HPSE2: variants seen among roughly 807,000 people sequenced by gnomAD.
The protein encoded by HPSE2 is heparanase 2 (inactive), also known as inactive heparanase-2.
A neutral mutation model predicts 60.5 loss-of-function variants in HPSE2; 38 were observed. The observed-to-expected ratio is 0.63, with a 90% CI of 0.48 to 0.82. The LOEUF (loss-of-function observed/expected upper bound fraction) is 0.82, where lower values mean the gene tolerates loss of function less well. Among genes scored for constraint, HPSE2 ranks in the 40% least tolerant of loss-of-function variants. HPSE2 has a pLI of 0.00. For missense variants in HPSE2, 713 were observed against 740.4 expected (o/e 0.96, Z 0.43); for synonymous variants, 295 against 293.2 (o/e 1.01, Z -0.06).
chr10:99,085,815 A>T (rs1156318226), intron 3 of HPSE2, among the ~76,000 whole-genome samples: 3 of 152,160 alleles, frequency 2.0e-5, no homozygotes, highest in African/African-American at 7.2e-5. Flanking sequence ...GGCCTCAACT[A>T]TTTTATCTCC....
At chr10:98,489,943 A>C in intron 10 of HPSE2, 108 bp downstream of exon 10, 1 of 1,358,580 alleles carries the variant, frequency 7.4e-7, no homozygotes, top group South Asian at 1.2e-5. Flanking sequence ...CCAGAGGCAA[A>C]AAGTTTTTGA....
intron 7 of HPSE2, among the ~76,000 whole-genome samples, chr10:98,626,216 G>T (rs837574): frequency 0.23 from 35,507 of 151,850 alleles, 4,310 homozygotes; most frequent in Admixed American, 0.31. Flanking sequence ...GGAGGTGGGG[G>T]GTTAAATCAA....
the HPSE2 span, among the ~76,000 whole-genome samples, chr10:99,280,324 G>A: frequency 1.3e-5 from 2 of 152,066 alleles, no homozygotes; most frequent in African/African-American, 2.4e-5. Flanking sequence ...GAAGAGAGAG[G>A]TCTGGCCAGA....
intron 3 of HPSE2, among the ~76,000 whole-genome samples, chr10:98,939,826 G>T (rs531034647): frequency 3.5e-5 from 5 of 143,512 alleles, no homozygotes; most frequent in African/African-American, 1.4e-4. Context: ...GACCACATAG[G>T]TGGAAGTAAA....
At chr10:98,839,095 C>T (rs375242703) in intron 3 of HPSE2, among the ~76,000 whole-genome samples, 8 of 152,126 alleles carry the variant, frequency 5.3e-5, no homozygotes, top group Middle Eastern at 3.4e-3. Flanking sequence ...AGGTAATGAG[C>T]CATATAAAGA....
intron 3 of HPSE2, among the ~76,000 whole-genome samples, chr10:98,807,630 TG>T (rs1360152787): frequency 6.6e-6 from 1 of 152,228 alleles, no homozygotes; most frequent in Non-Finnish European, 1.5e-5. Context: ...ATTTCACTGA[TG>T]TGATGGCTCT....
chr10:98,895,990 A>G (rs1953480362), intron 3 of HPSE2, among the ~76,000 whole-genome samples: 1 of 150,932 alleles, frequency 6.6e-6, no homozygotes, highest in Non-Finnish European at 1.5e-5. Context: ...ATGCTAAATG[A>G]CGAGTTAATG....
At chr10:99,308,373 C>G in the HPSE2 span, among the ~76,000 whole-genome samples, 1 of 8,862 alleles carries the variant, frequency 1.1e-4, no homozygotes, top group Non-Finnish European at 3.4e-4. Context: ...GAGCAAGACT[C>G]TGTCTCAAAA....
intron 3 of HPSE2, among the ~76,000 whole-genome samples, chr10:98,858,039 T>C (rs1238945047): frequency 6.6e-6 from 1 of 152,214 alleles, no homozygotes; most frequent in African/African-American, 2.4e-5. Flanking sequence ...TCAAGTATCA[T>C]ACATTATCTC....
upstream of HPSE2, among the ~76,000 whole-genome samples, chr10:99,239,186 TAAAAA>T (rs1212026461): frequency 6.6e-6 from 1 of 151,846 alleles, no homozygotes; most frequent in African/African-American, 2.4e-5. Context: ...AAATTAAAAT[TAAAAA>T]ATAAAATATG....
chr10:98,471,734 T>C (rs1254539056), intron 11 of HPSE2, among the ~76,000 whole-genome samples: 1 of 152,178 alleles, frequency 6.6e-6, no homozygotes, highest in African/African-American at 2.4e-5. Context: ...CTTTACAGGA[T>C]GACTTAGGAA....
chr10:99,052,972 G>T (rs1212019862), intron 3 of HPSE2, among the ~76,000 whole-genome samples: 1 of 150,692 alleles, frequency 6.6e-6, no homozygotes, highest in African/African-American at 2.4e-5. Flanking sequence ...GAAATAAAGG[G>T]GACTGGAAAT....
chr10:98,901,956 A>G (rs543414488), intron 3 of HPSE2, among the ~76,000 whole-genome samples: 1 of 152,260 alleles, frequency 6.6e-6, no homozygotes, highest in East Asian at 1.9e-4. Flanking sequence ...CACACAGGCT[A>G]ATCAACACCA....
intron 4 of HPSE2, among the ~76,000 whole-genome samples, chr10:98,739,207 C>T (rs1949433758): frequency 6.6e-6 from 1 of 152,076 alleles, no homozygotes; most frequent in African/African-American, 2.4e-5. Context: ...TCATTCTCAG[C>T]AAACTAACAC....
the HPSE2 span, among the ~76,000 whole-genome samples, chr10:99,257,632 A>G: frequency 6.6e-6 from 1 of 152,140 alleles, no homozygotes; most frequent in Non-Finnish European, 1.5e-5. Context: ...CCGAAACTTC[A>G]TTAGCAATTT....
At chr10:98,679,945 A>C (rs927677710) in intron 6 of HPSE2, among the ~76,000 whole-genome samples, 2 of 152,122 alleles carry the variant, frequency 1.3e-5, no homozygotes, top group African/African-American at 2.4e-5. Flanking sequence ...AAAGTGCTGG[A>C]ATTACAGGCA....
intron 5 of HPSE2, among the ~76,000 whole-genome samples, chr10:98,719,605 T>C (rs17110729): frequency 0.012 from 1,778 of 150,756 alleles, 24 homozygotes; most frequent in African/African-American, 0.041. Flanking sequence ...CACTGCTTAT[T>C]AGCTGCAAAT....
intron 9 of HPSE2, among the ~76,000 whole-genome samples, chr10:98,610,695 C>G (rs770264534): frequency 6.6e-6 from 1 of 152,140 alleles, no homozygotes; most frequent in Non-Finnish European, 1.5e-5. Flanking sequence ...AAATAGAGGA[C>G]TAAATTGTAG....
chr10:98,512,594 A>AG (rs995996462), intron 9 of HPSE2, among the ~76,000 whole-genome samples: 21 of 151,544 alleles, frequency 1.4e-4, no homozygotes, highest in Non-Finnish European at 2.7e-4. Flanking sequence ...CAAAAAAAAA[A>AG]AAAATTGTCA....
Sources: gnomAD v4.1 joint callset for allele counts (sites outside exome capture counted in the v4.1 genomes callset) on GRCh38, gnomAD v4.1.1 for gene constraint, MANE v1.5 for transcripts, NCBI Gene and HGNC (gene_info 2026-07-23, HGNC 2026-07-21) for gene names.